ACKR2: variants seen among roughly 807,000 people sequenced by gnomAD.
ACKR2 encodes C-C chemokine receptor D6.
For synonymous variants in ACKR2, 207 were observed against 192.2 expected, an observed-to-expected ratio of 1.08 and a Z score of -0.64; for missense variants, 457 against 477.3, an observed-to-expected ratio of 0.96 and a Z score of 0.40.
intron 2 of ACKR2, among the ~76,000 whole-genome samples, chr3:42,837,416 C>T (rs575924749): frequency 1.3e-5 from 2 of 152,044 alleles, no homozygotes; most frequent in Non-Finnish European, 2.9e-5. Context: ...GAGATGGGGT[C>T]TCACTGTGTT....
intron 2 of ACKR2, among the ~76,000 whole-genome samples, chr3:42,823,608 C>T (rs530262116): frequency 6.6e-6 from 1 of 152,164 alleles, no homozygotes; most frequent in Non-Finnish European, 1.5e-5. Flanking sequence ...GCTCTCTGCA[C>T]TGTGTGCTCT....
At chr3:42,842,875 C>A (rs1412311821) in intron 2 of ACKR2, among the ~76,000 whole-genome samples, 1 of 149,914 alleles carries the variant, frequency 6.7e-6, no homozygotes, top group Non-Finnish European at 1.5e-5. Flanking sequence ...CCCAGCTACT[C>A]GGGAGGCTGA....
At position 42,866,759 on chromosome 3, in the gene ACKR2, A is replaced by G. The variant is rs182791906; in HGVS notation, c.*1102A>G. 190 of 167,116 alleles carry G rather than the reference A, an allele frequency of 1.1e-3. 2 individuals carry two copies. The highest frequency in any genetic ancestry group is 1.2e-3 in the Non-Finnish European group (82 of 68,130). The allele number at this position is 167,116 out of a possible 1,614,324, so 10.4% of individuals were successfully genotyped here. Reference sequence around the variant, plus strand: ...AGGCAACAGACTCATTGAATCAGGAACAGATTCACTCCATAAAATACAGAG... The same window carrying G: ...AGGCAACAGACTCATTGAATCAGGAGCAGATTCACTCCATAAAATACAGAG... On this transcript the variant is annotated 3_prime_UTR_variant, in exon 3 of 3. Transcript: ENST00000422265.
intron 2 of ACKR2, chr3:42,856,609 C>T: frequency 1.8e-6 from 1 of 555,598 alleles, no homozygotes; most frequent in Non-Finnish European, 3.2e-6. Flanking sequence ...AAATAATTTA[C>T]AGAAGAAATA....
chr3:42,828,313 G>T (rs1185875863), intron 2 of ACKR2, among the ~76,000 whole-genome samples: 1 of 151,948 alleles, frequency 6.6e-6, no homozygotes, highest in Non-Finnish European at 1.5e-5. Context: ...GTTTCACTAT[G>T]TTGGTCAGGC....
chr3:42,843,476 A>T (rs1701061521), intron 2 of ACKR2, among the ~76,000 whole-genome samples: 2 of 152,044 alleles, frequency 1.3e-5, no homozygotes, highest in South Asian at 4.1e-4. Flanking sequence ...AGGTGTGTGT[A>T]TGTGTACAAT....
At chr3:42,823,248 T>C (rs1270139961) in intron 2 of ACKR2, among the ~76,000 whole-genome samples, 1 of 152,058 alleles carries the variant, frequency 6.6e-6, no homozygotes, top group Non-Finnish European at 1.5e-5. Flanking sequence ...TGCGTTTGAG[T>C]TTTTCCTTTT....
At chr3:42,828,105 T>C (rs1371418880) in intron 2 of ACKR2, among the ~76,000 whole-genome samples, 3 of 108,928 alleles carry the variant, frequency 2.8e-5, no homozygotes, top group Admixed American at 8.4e-5. Flanking sequence ...TTTTTTTTTT[T>C]CTTTTCTTTT....
At chr3:42,859,277 A>G (rs781277818) in intron 2 of ACKR2, among the ~76,000 whole-genome samples, 3 of 152,198 alleles carry the variant, frequency 2.0e-5, no homozygotes, top group Non-Finnish European at 4.4e-5. Context: ...AGCCAGAGAG[A>G]AAGGTCAGGT....
chr3:42,856,575 G>A (rs1034094703), intron 2 of ACKR2: 1 of 553,824 alleles, frequency 1.8e-6, no homozygotes, highest in Non-Finnish European at 3.2e-6. Flanking sequence ...CTCATAAAAT[G>A]AGCATCCCAC....
intron 2 of ACKR2, among the ~76,000 whole-genome samples, chr3:42,829,260 A>T (rs535810958): frequency 6.6e-6 from 1 of 152,356 alleles, no homozygotes; most frequent in East Asian, 1.9e-4. Flanking sequence ...TGCTGTTCAT[A>T]AGTCCACATA....
rs541554327 is a variant in ACKR2 at position 42,865,320 on chromosome 3, A to T, written c.818A>T (p.His273Leu). The part of the protein sequence containing the change: ...WFPYNLTLFL[H>L]TLLDLQVFGN... ...CCATACAATCTCACCTTGTTTCTGC[A>T]TACGCTGTTGGACCTGCAAGTATTC... Residue 273 changes from histidine to leucine, a missense_variant, in exon 3 of 3, where the codon CAT (histidine) becomes CTT (leucine). Transcript: ENST00000422265. The T allele has an allele frequency of 1.2e-6, 2 of 1,614,090 alleles. No homozygotes were observed. The highest frequency in any genetic ancestry group is 2.7e-5 in the African/African-American group (2 of 74,922).
intron 2 of ACKR2, among the ~76,000 whole-genome samples, chr3:42,822,195 T>TAAATAAATAAATAAATAAATAAAA (rs373806241): frequency 1.3e-5 from 2 of 151,548 alleles, no homozygotes; most frequent in African/African-American, 4.8e-5. Context: ...AATAAATAAA[T>TAAATAAATAAATAAATAAATAAAA]AAAATATGGA....
intron 2 of ACKR2, among the ~76,000 whole-genome samples, chr3:42,821,736 G>A (rs1481346479): frequency 9.2e-5 from 14 of 151,412 alleles, no homozygotes; most frequent in South Asian, 2.1e-4. Flanking sequence ...TCGTTCTGTC[G>A]CCCAGGCTGG....
In ACKR2 at chr3:42,851,532, G is replaced by A. The variant is rs1701159216; in HGVS notation, c.-37-12934G>A. ...ACACAGGGAGAGACTGAACCCAGTGGCTTGGGGAGTGGGCACAGGTGCTGG... is the reference window on the plus strand; with the variant it reads ...ACACAGGGAGAGACTGAACCCAGTGACTTGGGGAGTGGGCACAGGTGCTGG... On this transcript the variant is annotated intron_variant, in intron 2 of 2. Coordinates refer to ENST00000422265, the MANE Select transcript of ACKR2 (RefSeq NM_001296.5). The A allele has an allele frequency of 4.2e-6, 3 of 720,662 alleles. No homozygotes were observed. In the South Asian group the frequency reaches 1.9e-4, roughly 45 times the overall value. 44.6% of individuals were successfully genotyped at this position (720,662 alleles called of 1,614,324 possible).
intron 1 of ACKR2, among the ~76,000 whole-genome samples, chr3:42,813,589 A>C (rs1206646077): frequency 1.3e-5 from 2 of 152,222 alleles, no homozygotes; most frequent in African/African-American, 4.8e-5. Flanking sequence ...GAGAACAGCA[A>C]GGAGAAAGTC....
intron 2 of ACKR2, among the ~76,000 whole-genome samples, chr3:42,823,657 G>A (rs1700832435): frequency 6.6e-6 from 1 of 152,178 alleles, no homozygotes; most frequent in Non-Finnish European, 1.5e-5. Context: ...CATAAGAGGG[G>A]AGCTAAGCAC....
chr3:42,836,307 C>T (rs888848770), intron 2 of ACKR2, among the ~76,000 whole-genome samples: 13 of 152,268 alleles, frequency 8.5e-5, no homozygotes, highest in Admixed American at 3.3e-4. Flanking sequence ...TCAAGATGAA[C>T]CCTAGAGCTG....
chr3:42,864,489 C>A lies in ACKR2; in HGVS notation c.-14C>A. The A allele has an allele frequency of 1.3e-6, 2 of 1,583,162 alleles. No individual in the cohort carries two copies. The highest frequency in any genetic ancestry group is 1.2e-5 in the South Asian group (1 of 85,304). ...AGCACTACAGGACGTCGGGACTGGG[C>A]ATTTCCTTCCAACATGGCCGCCACT... On this transcript the variant is annotated 5_prime_UTR_variant, in exon 3 of 3. Transcript: ENST00000422265.
Sources: allele counts gnomAD v4.1 joint callset (sites outside exome capture counted in the v4.1 genomes callset), GRCh38; gene constraint gnomAD v4.1.1; transcripts MANE v1.5; gene names NCBI Gene and HGNC (gene_info 2026-07-23, HGNC 2026-07-21).